Variants in CSMD1 observed in about 807,000 individuals in gnomAD.
The protein encoded by CSMD1 is CUB and sushi domain-containing protein 1.
A neutral mutation model predicts 417.5 loss-of-function variants in CSMD1; 213 were observed. The ratio of observed to expected loss-of-function variants is 0.51; its 90% CI spans 0.46 to 0.57. The LOEUF (loss-of-function observed/expected upper bound fraction) is 0.57, where lower values mean the gene tolerates loss of function less well. Among genes scored for constraint, CSMD1 ranks in the 20% least tolerant of loss-of-function variants. The probability of loss-of-function intolerance (pLI) is 0.00; values close to 1 mark genes in which losing one functional copy is unlikely to be tolerated. For synonymous variants in CSMD1, 2,862 were observed against 1,736.8 expected, an observed-to-expected ratio of 1.65 and a Z score of -16.11; for missense variants, 6,923 against 4,529.7, an observed-to-expected ratio of 1.53 and a Z score of -15.17.
intron 1 of CSMD1, among the ~76,000 whole-genome samples, chr8:4,960,214 C>T (rs1809386691): frequency 2.0e-5 from 3 of 152,134 alleles, no homozygotes; most frequent in Admixed American, 6.6e-5. Context: ...TGATCTAGGA[C>T]ACTCAGAAGA....
chr8:3,006,811 A>G (rs1366937414), intron 52 of CSMD1, among the ~76,000 whole-genome samples: 1 of 150,336 alleles, frequency 6.7e-6, no homozygotes, highest in Non-Finnish European at 1.5e-5. Flanking sequence ...ACCTAAAACC[A>G]TAAAAACCCT....
intron 1 of CSMD1, among the ~76,000 whole-genome samples, chr8:4,646,643 G>C (rs114120864): frequency 0.015 from 2,215 of 152,240 alleles, 51 homozygotes; most frequent in East Asian, 0.1. Context: ...AATGAAGAAA[G>C]ATTTCTGCGT....
chr8:3,702,334 T>A (rs62474751), intron 7 of CSMD1: 2 of 152,088 alleles, frequency 1.3e-5, no homozygotes, highest in Admixed American at 6.5e-5. Context: ...ACTTTACATG[T>A]GGGGAAAATC....
chr8:3,208,612 A>G (rs1448595385), intron 30 of CSMD1, among the ~76,000 whole-genome samples: 1 of 152,124 alleles, frequency 6.6e-6, no homozygotes, highest in African/African-American at 2.4e-5. Context: ...ATTGGATTGA[A>G]GGATAGAAAG....
chr8:4,777,145 G>A (rs551798975), intron 1 of CSMD1, among the ~76,000 whole-genome samples: 1 of 152,222 alleles, frequency 6.6e-6, no homozygotes, highest in African/African-American at 2.4e-5. Flanking sequence ...ACATTGAGAC[G>A]GATAATTAAA....
chr8:4,012,926 C>T (rs1223419287), intron 4 of CSMD1, among the ~76,000 whole-genome samples: 2 of 152,170 alleles, frequency 1.3e-5, no homozygotes, highest in African/African-American at 4.8e-5. Context: ...CTTCTTTAAA[C>T]AGCATTCTGA....
intron 2 of CSMD1, among the ~76,000 whole-genome samples, chr8:4,470,098 CTGATCTCG>C (rs927350840): frequency 7.9e-5 from 12 of 151,984 alleles, no homozygotes; most frequent in Non-Finnish European, 1.3e-4. Flanking sequence ...TCTCGATCTC[CTGATCTCG>C]TGATCCGCCC....
chr8:4,070,307 G>A (rs890455650), intron 3 of CSMD1, among the ~76,000 whole-genome samples: 3 of 151,972 alleles, frequency 2.0e-5, no homozygotes, highest in Admixed American at 6.6e-5. Context: ...AAAGTCTCAT[G>A]CACTTTAAAG....
intron 7 of CSMD1, among the ~76,000 whole-genome samples, chr8:3,641,275 G>T (rs1797293031): frequency 6.6e-6 from 1 of 152,134 alleles, no homozygotes; most frequent in South Asian, 2.1e-4. Context: ...GGGAGTAAGT[G>T]GCAGTGATTC....
chr8:4,603,901 C>T (rs1328726554), intron 2 of CSMD1, among the ~76,000 whole-genome samples: 1 of 151,802 alleles, frequency 6.6e-6, no homozygotes, highest in Non-Finnish European at 1.5e-5. Flanking sequence ...AAGTATTACT[C>T]TGGGGGATTT....
chr8:4,429,658 C>T (rs749357895), intron 2 of CSMD1, among the ~76,000 whole-genome samples: 17 of 152,118 alleles, frequency 1.1e-4, no homozygotes, highest in Non-Finnish European at 1.6e-4. Context: ...GCCCTTCATG[C>T]TGGGTACCCC....
intron 10 of CSMD1, among the ~76,000 whole-genome samples, chr8:3,514,805 G>C (rs541778855): frequency 2.6e-5 from 4 of 152,198 alleles, no homozygotes; most frequent in East Asian, 1.9e-4. Flanking sequence ...GTAACTTACA[G>C]TGGGTACCTA....
chr8:4,211,435 T>C (rs1442639960), intron 3 of CSMD1, among the ~76,000 whole-genome samples: 2 of 152,260 alleles, frequency 1.3e-5, no homozygotes, highest in Admixed American at 6.5e-5. Flanking sequence ...TCTACAAACA[T>C]ATAGCAGTTT....
At chr8:3,409,978 A>G (rs1812583077) in intron 12 of CSMD1, among the ~76,000 whole-genome samples, 1 of 152,238 alleles carries the variant, frequency 6.6e-6, no homozygotes, top group Admixed American at 6.5e-5. Context: ...TTTTTGCTAT[A>G]AACAATACAA....
chr8:4,730,837 A>T (rs1038371979), intron 1 of CSMD1, among the ~76,000 whole-genome samples: 4 of 152,168 alleles, frequency 2.6e-5, no homozygotes, highest in South Asian at 4.1e-4. Context: ...ATAATGCTTT[A>T]TCTAAAGAAA....
intron 26 of CSMD1, among the ~76,000 whole-genome samples, chr8:3,238,338 G>A (rs1285609667): frequency 2.6e-5 from 4 of 152,112 alleles, no homozygotes; most frequent in East Asian, 1.9e-4. Context: ...GCAGGAACTG[G>A]CCATCTGGAT....
At chr8:4,781,994 T>C (rs191730563) in intron 1 of CSMD1, among the ~76,000 whole-genome samples, 4 of 152,192 alleles carry the variant, frequency 2.6e-5, no homozygotes, top group Admixed American at 2.6e-4. Context: ...CTCCAGAGTT[T>C]CCACTCTTGC....
chr8:3,588,143 G>A (rs2469370), intron 8 of CSMD1, among the ~76,000 whole-genome samples: 132,548 of 151,850 alleles, frequency 0.87, 58,222 homozygotes, highest in African/African-American at 0.91. Flanking sequence ...AGTTCTTTCT[G>A]TTTACCTACA....
chr8:3,255,655 G>A lies in CSMD1; in HGVS notation c.4154-25424C>T, dbSNP rs9969527. Among the ~76,000 whole-genome samples, 1,078 of 152,310 alleles carry A rather than the reference G, an allele frequency of 7.1e-3. 23 individuals carry two copies. The highest frequency in any genetic ancestry group is 0.025 in the African/African-American group (1,031 of 41,562). On this transcript the variant is annotated intron_variant, in intron 26 of 69. Transcript: ENST00000635120. ...AATGAGCAAGGCTCTGTGGGCGTAG[G>A]ACCCTCTGAGCCATGCACGGGATAT...
Sources: allele counts gnomAD v4.1 joint callset (sites outside exome capture counted in the v4.1 genomes callset), GRCh38; gene constraint gnomAD v4.1.1; transcripts MANE v1.5; gene names NCBI Gene and HGNC (gene_info 2026-07-23, HGNC 2026-07-21).